Variants in CPEB1 observed in about 807,000 individuals in gnomAD.
CPEB1 encodes cytoplasmic polyadenylation element binding protein 1.
A neutral mutation model predicts 65.8 loss-of-function variants in CPEB1; 7 were observed. The observed-to-expected ratio is 0.11, with a 90% CI of 0.06 to 0.20. CPEB1 has a LOEUF of 0.20. Ranked by LOEUF, CPEB1 falls within the 10% of genes least tolerant of loss-of-function variation. The pLI, the probability that CPEB1 is intolerant of heterozygous loss-of-function variation, is 1.00. For synonymous variants in CPEB1, 262 were observed against 260.0 expected, an observed-to-expected ratio of 1.01 and a Z score of -0.08; for missense variants, 551 against 712.2, an observed-to-expected ratio of 0.77 and a Z score of 2.58.
chr15:82,610,088 A>G (rs1217423404), intron 3 of CPEB1, among the ~76,000 whole-genome samples: 1 of 151,878 alleles, frequency 6.6e-6, no homozygotes, highest in East Asian at 1.9e-4. Context: ...ATTACTATGA[A>G]TAATTATATG....
chr15:82,627,073 T>A (rs1297904613), intron 3 of CPEB1, 120 bp downstream of exon 3: 2 of 751,602 alleles, frequency 2.7e-6, no homozygotes, highest in Admixed American at 6.0e-5. Flanking sequence ...AAAAGGCAAG[T>A]ATTGCCAGCA....
chr15:82,592,374 G>A (rs893901827), intron 3 of CPEB1, among the ~76,000 whole-genome samples: 3 of 151,232 alleles, frequency 2.0e-5, no homozygotes, highest in Non-Finnish European at 4.4e-5. Context: ...GATCACTTGA[G>A]CTCATGAGTT....
At chr15:82,590,574 T>C (rs528872197) in intron 3 of CPEB1, among the ~76,000 whole-genome samples, 14 of 152,320 alleles carry the variant, frequency 9.2e-5, no homozygotes, top group Non-Finnish European at 1.3e-4. Context: ...CGTGAATTTG[T>C]TGTACAGATT....
In CPEB1 at chr15:82,557,852, T is replaced by C. The variant is rs764781490; in HGVS notation, c.595A>G (p.Thr199Ala). 6.2e-7 allele frequency: 1 copy of C among 1,614,038 alleles called. No homozygotes were observed. The highest frequency in any genetic ancestry group is 1.7e-5 in the Admixed American group (1 of 60,016). Reference protein sequence around the residue: ...APSVRGSRLDTRPILDSRSSS... With the variant: ...APSVRGSRLDARPILDSRSSS... ...GATCGAGAGTCCAGGATGGGCCGGG[T>C]GTCCAGGCGTGATCCTCTAACTGAG... The change falls in exon 5 of 13, where the codon ACC becomes GCC. Residue 199 changes from threonine (T) to alanine (A), a missense_variant. By Grantham distance (58) the Thr-to-Ala change is moderately conservative. Transcript: ENST00000684509.
At chr15:82,562,743 G>A (rs1236045939) in intron 4 of CPEB1, among the ~76,000 whole-genome samples, 3 of 151,924 alleles carry the variant, frequency 2.0e-5, no homozygotes, top group Non-Finnish European at 4.4e-5. Flanking sequence ...GCTGAGGCAG[G>A]AGGATCACTT....
At chr15:82,638,179 T>C (rs2046822769) in intron 1 of CPEB1, among the ~76,000 whole-genome samples, 1 of 152,182 alleles carries the variant, frequency 6.6e-6, no homozygotes, top group African/African-American at 2.4e-5. Context: ...ACTGTGGCTA[T>C]TAATACTACA....
At chr15:82,640,940 C>A (rs2047056126) in intron 1 of CPEB1, 1 of 151,232 alleles carries the variant, frequency 6.6e-6, no homozygotes, top group African/African-American at 2.4e-5. Context: ...TCTTACAAAC[C>A]AAATGGACAT....
chr15:82,647,857 A>G, upstream of CPEB1: 1 of 1,269,522 alleles, frequency 7.9e-7, no homozygotes, highest in Non-Finnish European at 9.9e-7. Context: ...GGCTCTTACC[A>G]GCGGGAACGC....
Position 82,571,484 on chromosome 15 carries a change from G to A in CPEB1, c.320C>T (p.Thr107Ile), listed in dbSNP as rs998507815. Residue 107 changes from threonine to isoleucine, a missense_variant, in exon 4 of 13, where the codon ACC becomes ATC. Thr to Ile is a moderately conservative substitution (Grantham distance 89). This residue lies in a region of CPEB1 where 223 missense variants were observed against 228.6 expected (regional missense o/e 0.98). Coordinates refer to ENST00000684509, the MANE Select transcript of CPEB1 (RefSeq NM_001365242.1). ...ETVTSRMLFP[T>I]SAQESSRGLP... ...GCCACGGGAAGATTCTTGCGCAGAG[G>A]TTGGGAAAAGCATCCTGCTTGTAAC... The A allele has an allele frequency of 1.7e-5, 28 of 1,614,048 alleles. No homozygotes were observed. Among genetic ancestry groups the A allele is most frequent in the Non-Finnish European group, 2.2e-5 (26 of 1,180,022 alleles).
chr15:82,561,652 C>T (rs1158104152), intron 4 of CPEB1, among the ~76,000 whole-genome samples: 1 of 152,174 alleles, frequency 6.6e-6, no homozygotes, highest in Non-Finnish European at 1.5e-5. Context: ...TCCTCATTCA[C>T]ATCATTTGTA....
At chr15:82,601,923 T>C (rs2043154377) in intron 3 of CPEB1, among the ~76,000 whole-genome samples, 1 of 152,186 alleles carries the variant, frequency 6.6e-6, no homozygotes, top group Non-Finnish European at 1.5e-5. Flanking sequence ...TTTTAACACA[T>C]TTCTCTTAGT....
chr15:82,645,471 G>A (rs1276498747), intron 1 of CPEB1, among the ~76,000 whole-genome samples: 1 of 152,026 alleles, frequency 6.6e-6, no homozygotes, highest in Non-Finnish European at 1.5e-5. Flanking sequence ...TTATTACAAA[G>A]GTTGACTTAC....
chr15:82,640,208 T>C (rs117124923), intron 1 of CPEB1, among the ~76,000 whole-genome samples: 2,852 of 152,268 alleles, frequency 0.019, 34 homozygotes, highest in Non-Finnish European at 0.027. Flanking sequence ...CAGACCAGAA[T>C]TGAACTCCTA....
chr15:82,643,897 C>T (rs1243193942), intron 1 of CPEB1, among the ~76,000 whole-genome samples: 1 of 152,110 alleles, frequency 6.6e-6, no homozygotes. Context: ...CTAAGACAGA[C>T]AAGGTGAGAT....
chr15:82,568,486 A>G (rs1277478567), intron 4 of CPEB1, among the ~76,000 whole-genome samples: 1 of 152,196 alleles, frequency 6.6e-6, no homozygotes, highest in Non-Finnish European at 1.5e-5. Context: ...ACAGTCTAGA[A>G]GAGAAGGACC....
intron 3 of CPEB1, among the ~76,000 whole-genome samples, chr15:82,589,366 C>T (rs959546253): frequency 5.3e-5 from 8 of 152,190 alleles, no homozygotes; most frequent in Admixed American, 3.9e-4. Context: ...GTATGTGGGG[C>T]GGCAATTTAA....
intron 3 of CPEB1, among the ~76,000 whole-genome samples, chr15:82,596,787 A>G (rs562360886): frequency 6.6e-6 from 1 of 152,208 alleles, no homozygotes; most frequent in Non-Finnish European, 1.5e-5. Context: ...CATGGCAAGA[A>G]GAGGATATGA....
upstream of CPEB1, chr15:82,647,877 G>A (rs1343720024): frequency 3.2e-6 from 4 of 1,256,532 alleles, no homozygotes; most frequent in South Asian, 3.0e-5. Context: ...CCATGGGGCC[G>A]GTGTGGCCCT....
At chr15:82,573,169 C>T (rs2151062794) in intron 3 of CPEB1, 3 of 1,534,126 alleles carry the variant, frequency 2.0e-6, no homozygotes, top group Non-Finnish European at 2.6e-6. Flanking sequence ...CTGCAGTACA[C>T]CCTGTGTCCA....
Sources: gnomAD v4.1 joint callset for allele counts (sites outside exome capture counted in the v4.1 genomes callset) on GRCh38, gnomAD v4.1.1 for gene constraint, gnomAD v4.1.1 regional missense constraint, MANE v1.5 for transcripts, NCBI Gene and HGNC (gene_info 2026-07-23, HGNC 2026-07-21) for gene names.